The following RASSF8 variants were observed in gnomAD, a reference collection of about 807,000 sequenced individuals.
The protein encoded by RASSF8 is Ras association domain family member 8.
A neutral mutation model predicts 48.5 loss-of-function variants in RASSF8; 22 were observed. The observed-to-expected ratio is 0.45, with a 90% CI of 0.32 to 0.65. The LOEUF is 0.65. Among genes scored for constraint, RASSF8 ranks in the 30% least tolerant of loss-of-function variants. The pLI, the probability that RASSF8 is intolerant of heterozygous loss-of-function variation, is 0.03. For synonymous variants in RASSF8, 127 were observed against 171.5 expected, an observed-to-expected ratio of 0.74 and a Z score of 2.03; for missense variants, 418 against 489.2, an observed-to-expected ratio of 0.85 and a Z score of 1.37.
downstream of RASSF8, among the ~76,000 whole-genome samples, chr12:26,076,873 T>C (rs1311127581): frequency 2.0e-5 from 3 of 152,236 alleles, no homozygotes; most frequent in Non-Finnish European, 4.4e-5. Context: ...TAGTTTACAC[T>C]CCCACCAACA....
At chr12:25,993,808 C>T (rs967730486) in intron 1 of RASSF8, among the ~76,000 whole-genome samples, 1 of 152,038 alleles carries the variant, frequency 6.6e-6, no homozygotes, top group African/African-American at 2.4e-5. Context: ...GTGTATCCAG[C>T]TAGCTTAAAC....
At chr12:25,961,206 T>TA (rs1177603923) in intron 1 of RASSF8, among the ~76,000 whole-genome samples, 1 of 152,190 alleles carries the variant, frequency 6.6e-6, no homozygotes, top group African/African-American at 2.4e-5. Context: ...GACTTGGAAG[T>TA]AAAAATATTG....
intron 2 of RASSF8, among the ~76,000 whole-genome samples, chr12:26,018,194 T>C (rs2137051014): frequency 6.6e-6 from 1 of 152,330 alleles, no homozygotes; most frequent in South Asian, 2.1e-4. Context: ...TTGCTTCATT[T>C]AATCATGTTT....
In RASSF8 at chr12:26,051,876, A is replaced by G. The variant is rs142512720; in HGVS notation, c.-108-3360A>G. Among the ~76,000 whole-genome samples the G allele has an allele frequency of 1.0e-3, 158 of 152,294 alleles. 1 individual carries two copies. Among genetic ancestry groups the G allele is most frequent in the Non-Finnish European group, 2.0e-3 (133 of 68,028 alleles). On this transcript the variant is annotated intron_variant, in intron 2 of 5. Coordinates refer to ENST00000689635, the MANE Select transcript of RASSF8 (RefSeq NM_001394098.1). ...TGCCTAAACAAAGTTTACATAATAT[A>G]TATGTTTTCCCCATGGGTCACCTCA...
chr12:25,978,765 C>T (rs1592225980), intron 1 of RASSF8, among the ~76,000 whole-genome samples: 1 of 151,662 alleles, frequency 6.6e-6, no homozygotes, highest in Admixed American at 6.6e-5. Context: ...TTATGAGGTG[C>T]CTATTTCCCT....
chr12:25,981,228 G>A (rs774669733), intron 1 of RASSF8, among the ~76,000 whole-genome samples: 1 of 152,132 alleles, frequency 6.6e-6, no homozygotes, highest in Non-Finnish European at 1.5e-5. Flanking sequence ...ACGAGATGAC[G>A]TGGGGTTTTA....
chr12:26,057,100 T>G (rs999969686), intron 3 of RASSF8, among the ~76,000 whole-genome samples: 2 of 128,842 alleles, frequency 1.6e-5, no homozygotes, highest in Non-Finnish European at 3.7e-5. Flanking sequence ...AATGACACTT[T>G]TGTGTGTGTG....
chr12:25,972,170 G>A (rs1324087204), intron 1 of RASSF8, among the ~76,000 whole-genome samples: 1 of 152,158 alleles, frequency 6.6e-6, no homozygotes, highest in Non-Finnish European at 1.5e-5. Flanking sequence ...GGATGACTTA[G>A]GTGATACTGA....
intron 1 of RASSF8, among the ~76,000 whole-genome samples, chr12:25,991,547 A>T (rs1005111224): frequency 3.9e-5 from 6 of 152,148 alleles, no homozygotes; most frequent in African/African-American, 1.4e-4. Flanking sequence ...TACGTAGTCT[A>T]CATGAAGGTT....
rs149579579 is a variant in RASSF8 at position 26,026,329 on chromosome 12, A to C, written c.-108-28907A>C. On this transcript the variant is annotated intron_variant, in intron 2 of 5. Coordinates refer to ENST00000689635, the MANE Select transcript of RASSF8 (RefSeq NM_001394098.1). Reference sequence around the variant, plus strand: ...TCTCAGTAGACAAATATCTATGTACAAATGGCCAATCAGCAAATGAAAAGA... The same window carrying C: ...TCTCAGTAGACAAATATCTATGTACCAATGGCCAATCAGCAAATGAAAAGA... Among the ~76,000 whole-genome samples, 25 of 152,366 alleles carry C rather than the reference A, an allele frequency of 1.6e-4. No individual in the cohort carries two copies. The East Asian group carries it at 4.8e-3, about 29-fold the overall frequency.
At chr12:26,034,042 G>C (rs1943080264) in intron 2 of RASSF8, among the ~76,000 whole-genome samples, 1 of 152,048 alleles carries the variant, frequency 6.6e-6, no homozygotes, top group Non-Finnish European at 1.5e-5. Context: ...CTAGCAGGGA[G>C]GTGGTGGTGG....
At chr12:26,015,906 ACT>A (rs1481861150) in intron 2 of RASSF8, among the ~76,000 whole-genome samples, 13 of 152,202 alleles carry the variant, frequency 8.5e-5, no homozygotes, top group Middle Eastern at 6.8e-3. Flanking sequence ...CTTCTCTATA[ACT>A]CTGTGATCAC....
chr12:25,961,853 A>G (rs1275970773), intron 1 of RASSF8, among the ~76,000 whole-genome samples: 4 of 152,064 alleles, frequency 2.6e-5, no homozygotes, highest in South Asian at 2.1e-4. Context: ...CTTTTCTTCT[A>G]TCAGCCCTAG....
rs1003366870 is a variant in RASSF8 at position 26,003,029 on chromosome 12, G to A, written c.-109+7899G>A. Among the ~76,000 whole-genome samples, 29 of 152,154 alleles carry A rather than the reference G, an allele frequency of 1.9e-4. 1 individual carries two copies. The highest frequency in any genetic ancestry group is 6.7e-4 in the African/African-American group (28 of 41,510). ...TCATCTAGAGTTAATTTTTATATAT[G>A]GTGACATGGATCCAGTTTCATTCAT... On this transcript the variant is annotated intron_variant, in intron 2 of 5. Coordinates refer to ENST00000689635, the MANE Select transcript of RASSF8 (RefSeq NM_001394098.1).
chr12:26,016,310 C>T (rs1451472761), intron 2 of RASSF8, among the ~76,000 whole-genome samples: 1 of 150,740 alleles, frequency 6.6e-6, no homozygotes, highest in Non-Finnish European at 1.5e-5. Flanking sequence ...AGTGCTTTTG[C>T]TTTGCTGTTT....
At chr12:25,993,232 C>CAT (rs1388178613) in intron 1 of RASSF8, among the ~76,000 whole-genome samples, 1 of 152,198 alleles carries the variant, frequency 6.6e-6, no homozygotes, top group Non-Finnish European at 1.5e-5. Flanking sequence ...TTAATCTCTG[C>CAT]ATATATGTTA....
At chr12:26,056,377 GT>G (rs1943602898) in intron 3 of RASSF8, among the ~76,000 whole-genome samples, 1 of 152,090 alleles carries the variant, frequency 6.6e-6, no homozygotes, top group Non-Finnish European at 1.5e-5. Flanking sequence ...AGCAATATGG[GT>G]CCAAGTTTAT....
chr12:25,981,823 G>T (rs1023126872), intron 1 of RASSF8, among the ~76,000 whole-genome samples: 4 of 152,126 alleles, frequency 2.6e-5, no homozygotes, highest in Non-Finnish European at 5.9e-5. Flanking sequence ...AAGCATGATT[G>T]ATTATTTCTG....
At chr12:25,998,589 C>G (rs150305198) in intron 2 of RASSF8, among the ~76,000 whole-genome samples, 1 of 152,038 alleles carries the variant, frequency 6.6e-6, no homozygotes, top group African/African-American at 2.4e-5. Context: ...CCTCATGTTC[C>G]GCCCACCTCA....
Sources: gnomAD v4.1 joint callset for allele counts (sites outside exome capture counted in the v4.1 genomes callset) on GRCh38, gnomAD v4.1.1 for gene constraint, MANE v1.5 for transcripts, NCBI Gene and HGNC (gene_info 2026-07-23, HGNC 2026-07-21) for gene names.